MGST1: variants seen among roughly 807,000 people sequenced by gnomAD.
MGST1 encodes microsomal glutathione S-transferase 1.
Under a neutral mutation model 8.9 loss-of-function variants are expected in MGST1, and 5 were observed. The ratio of observed to expected loss-of-function variants is 0.56; its 90% CI spans 0.29 to 1.19. The LOEUF (loss-of-function observed/expected upper bound fraction) is 1.19. Ranked by LOEUF, MGST1 falls within the 50% of genes most tolerant of loss-of-function variation. The pLI is 0.08. For synonymous variants in MGST1, 54 were observed against 67.8 expected, an observed-to-expected ratio of 0.80 and a Z score of 1.00; for missense variants, 182 against 187.4, an observed-to-expected ratio of 0.97 and a Z score of 0.17.
intron 3 of MGST1, chr12:16,370,308 T>A (rs1170309804): frequency 1.3e-5 from 2 of 152,154 alleles, no homozygotes; most frequent in African/African-American, 2.4e-5. Flanking sequence ...TTGGACAGCC[T>A]TATCGCCTCT....
chr12:16,495,913 G>GT (rs1941467431), intron 4 of MGST1, among the ~76,000 whole-genome samples: 1 of 152,074 alleles, frequency 6.6e-6, no homozygotes, highest in Non-Finnish European at 1.5e-5. Flanking sequence ...CAATCAGTAA[G>GT]AGCTCTTGAT....
chr12:16,530,276 G>C (rs1026786988), intron 4 of MGST1, among the ~76,000 whole-genome samples: 1 of 152,022 alleles, frequency 6.6e-6, no homozygotes, highest in African/African-American at 2.4e-5. Flanking sequence ...GTGTGTTCTA[G>C]TCTGCAGTTC....
At chr12:16,406,058 C>A (rs1197399587) in intron 1 of MGST1, among the ~76,000 whole-genome samples, 1 of 152,132 alleles carries the variant, frequency 6.6e-6, no homozygotes, top group Admixed American at 6.5e-5. Context: ...AAGTCCTGGT[C>A]AGAGCATTCA....
At chr12:16,357,526 A>C in intron 2 of MGST1, 79 bp from the exon 3 acceptor site, 67 of 985,860 alleles carry the variant, frequency 6.8e-5, no homozygotes, top group Non-Finnish European at 8.7e-5. Context: ...TCAGCCTCAC[A>C]AAGCGCTGGA....
At chr12:16,462,185 C>T (rs34398) in intron 4 of MGST1, among the ~76,000 whole-genome samples, 151,628 of 152,280 alleles carry the variant, frequency 1, 75,490 homozygotes, top group Middle Eastern at 1. Flanking sequence ...TCTACATATG[C>T]AGATATGAAT....
At chr12:16,550,741 T>C (rs146529658) in intron 4 of MGST1, 3 of 154,090 alleles carry the variant, frequency 1.9e-5, no homozygotes, top group African/African-American at 7.2e-5. Context: ...TTAGTGAGAT[T>C]TGCTTTTCAA....
chr12:16,560,394 C>A lies in MGST1; in HGVS notation n.483-29134C>A. 1 of 1,607,610 alleles carries A rather than the reference C, an allele frequency of 6.2e-7. No homozygotes were observed. The highest frequency in any genetic ancestry group is 1.1e-5 in the South Asian group (1 of 89,576). On this transcript the variant is annotated intron_variant and non_coding_transcript_variant, in intron 4 of 4. Coordinates refer to the MGST1 transcript ENST00000538857. This position sits in a 1 kb window ranked among gnomAD's most constrained non-coding sequence, Gnocchi z 5.0. ...GAGAGGTTAACCATTTCTTAGAGAC[C>A]AAAAAGAGACCTGCTTACCTCTGAT...
intron 4 of MGST1, among the ~76,000 whole-genome samples, chr12:16,565,982 CCA>C (rs1942583501): frequency 6.8e-5 from 3 of 44,320 alleles, no homozygotes; most frequent in South Asian, 1.0e-3. Flanking sequence ...AGAAAATGTG[CCA>C]TATATATATA....
chr12:16,414,979 G>A (rs1469684257), intron 1 of MGST1, among the ~76,000 whole-genome samples: 7 of 152,042 alleles, frequency 4.6e-5, no homozygotes, highest in South Asian at 2.1e-4. Flanking sequence ...AGCCAAGATC[G>A]CACCATTGCA....
chr12:16,563,158 G>A (rs1942463615), intron 4 of MGST1, among the ~76,000 whole-genome samples: 1 of 152,146 alleles, frequency 6.6e-6, no homozygotes, highest in Non-Finnish European at 1.5e-5. Flanking sequence ...AATCTTACAA[G>A]GGAACATTTT....
chr12:16,406,061 A>C (rs1000782901), intron 1 of MGST1, among the ~76,000 whole-genome samples: 1 of 152,194 alleles, frequency 6.6e-6, no homozygotes, highest in Non-Finnish European at 1.5e-5. Flanking sequence ...TCCTGGTCAG[A>C]GCATTCAGGC....
At chr12:16,453,403 AAAC>A (rs1941145778) in intron 4 of MGST1, among the ~76,000 whole-genome samples, 2 of 151,950 alleles carry the variant, frequency 1.3e-5, no homozygotes, top group Non-Finnish European at 2.9e-5. Context: ...AGCCTACTTA[AAAC>A]AACAAGTCAA....
At chr12:16,512,952 G>A (rs1941586034) in intron 4 of MGST1, among the ~76,000 whole-genome samples, 1 of 152,136 alleles carries the variant, frequency 6.6e-6, no homozygotes, top group Non-Finnish European at 1.5e-5. Context: ...GACTCAGAGG[G>A]GAATGGAGTT....
Position 16,559,500 on chromosome 12 carries a change from T to G in MGST1, n.483-30028T>G, listed in dbSNP as rs1942310572. Among the ~76,000 whole-genome samples the G allele has an allele frequency of 6.6e-6, 1 of 152,184 alleles. No homozygotes were observed. The highest frequency in any genetic ancestry group is 2.1e-4 in the South Asian group (1 of 4,832). On this transcript the variant is annotated intron_variant and non_coding_transcript_variant, in intron 4 of 4. Coordinates refer to the MGST1 transcript ENST00000538857. The surrounding 1 kb of genome is among the most constrained non-coding windows in gnomAD (Gnocchi z 4.1). ...AGCTTATTAGTGGCAGAGCCCATAT[T>G]AGAATTTAGGTTTCCAGGTTCCCTG...
At chr12:16,378,851 G>A (rs1940420584), downstream of MGST1, among the ~76,000 whole-genome samples, 1 of 151,922 alleles carries the variant, frequency 6.6e-6, no homozygotes, top group Admixed American at 6.6e-5. Context: ...TCTCCTTGAA[G>A]AGGTCCTTCA....
At chr12:16,523,755 T>C in intron 4 of MGST1, among the ~76,000 whole-genome samples, 1 of 152,110 alleles carries the variant, frequency 6.6e-6, no homozygotes, top group East Asian at 1.9e-4. Flanking sequence ...AAACTTAGTT[T>C]TCAAGTGAAT....
chr12:16,444,999 C>T (rs1450294498), intron 4 of MGST1, among the ~76,000 whole-genome samples: 1 of 151,744 alleles, frequency 6.6e-6, no homozygotes, highest in Non-Finnish European at 1.5e-5. Context: ...TGAGACTTGT[C>T]ATAAAATCCA....
intron 2 of MGST1, among the ~76,000 whole-genome samples, chr12:16,357,144 T>C (rs1404435835): frequency 1.3e-5 from 2 of 152,244 alleles, no homozygotes; most frequent in African/African-American, 4.8e-5. Context: ...AGATGCCTTC[T>C]TCTCCTCTTG....
chr12:16,366,554 G>A (rs1349668534), downstream of MGST1, among the ~76,000 whole-genome samples: 1 of 151,424 alleles, frequency 6.6e-6, no homozygotes, highest in Non-Finnish European at 1.5e-5. The surrounding 1 kb of genome is among the most constrained non-coding windows in gnomAD (Gnocchi z 4.0). Flanking sequence ...GGATGGGTTT[G>A]TTTTCATGTT....
Sources: allele counts gnomAD v4.1 joint callset (sites outside exome capture counted in the v4.1 genomes callset), GRCh38; gene constraint gnomAD v4.1.1; non-coding constraint Gnocchi (gnomAD v3.1); transcripts MANE v1.5; gene names NCBI Gene and HGNC (gene_info 2026-07-23, HGNC 2026-07-21).